VEPH1: variants seen among roughly 807,000 people sequenced by gnomAD.
VEPH1 encodes the protein ventricular zone-expressed PH domain-containing protein homolog 1.
Under a neutral mutation model 85.2 loss-of-function variants are expected in VEPH1, and 80 were observed. The ratio of observed to expected loss-of-function variants is 0.94; its 90% CI spans 0.78 to 1.13. The LOEUF (loss-of-function observed/expected upper bound fraction) is 1.13, where lower values mean the gene tolerates loss of function less well. VEPH1 is among the 50% of genes most tolerant of loss of function. The pLI is 0.00. For synonymous variants in VEPH1, 297 were observed against 348.0 expected (o/e 0.85, Z 1.63); for missense variants, 955 against 980.5 (o/e 0.97, Z 0.35).
At chr3:157,311,952 TA>T (rs1720157807) in intron 11 of VEPH1, among the ~76,000 whole-genome samples, 1 of 152,220 alleles carries the variant, frequency 6.6e-6, no homozygotes, top group South Asian at 2.1e-4. Flanking sequence ...AGCCAAAAAG[TA>T]GTGATGCAAT....
chr3:157,377,762 G>T (rs9812789), intron 7 of VEPH1, among the ~76,000 whole-genome samples: 1 of 152,082 alleles, frequency 6.6e-6, no homozygotes, highest in Admixed American at 6.6e-5. Flanking sequence ...CAGCCATGCC[G>T]AACTGTGAGT....
At chr3:157,372,812 G>A (rs1727664440) in intron 7 of VEPH1, among the ~76,000 whole-genome samples, 2 of 151,978 alleles carry the variant, frequency 1.3e-5, no homozygotes, top group African/African-American at 4.8e-5. Flanking sequence ...GACATACAAC[G>A]TCCACTGATC....
chr3:157,288,977 T>C (rs1029721402), intron 11 of VEPH1, among the ~76,000 whole-genome samples: 5 of 152,212 alleles, frequency 3.3e-5, no homozygotes, highest in African/African-American at 9.6e-5. Flanking sequence ...TGATTTTGAA[T>C]ATGTTCAATG....
At chr3:157,348,754 C>G (rs1388854112) in intron 9 of VEPH1, among the ~76,000 whole-genome samples, 5 of 152,310 alleles carry the variant, frequency 3.3e-5, no homozygotes, top group Non-Finnish European at 1.5e-5. Flanking sequence ...TGCTGCACTT[C>G]CGTGCTCTCC....
chr3:157,364,334 T>C lies in VEPH1; in HGVS notation c.1306A>G (p.Lys436Glu). ...AATCTAATGTTTTTTCTTTCTTCTT[T>C]AGAAACTTGGCCCAGACTATATCTT... ...IRRYSLGQVS[K>E]EERKNIRFNR... The change falls in exon 8 of 14, where the codon AAA becomes GAA. Residue 436 changes from lysine (K) to glutamate (E), a missense_variant. Lys to Glu is a moderately conservative substitution (Grantham distance 56). Transcript: ENST00000362010. 3.1e-6 allele frequency: 5 copies of C among 1,613,168 alleles called. No homozygotes were observed. Among genetic ancestry groups the C allele is most frequent in the Non-Finnish European group, 4.2e-6 (5 of 1,179,756 alleles).
At chr3:157,380,817 T>G (rs1172692886) in intron 7 of VEPH1, among the ~76,000 whole-genome samples, 2 of 152,240 alleles carry the variant, frequency 1.3e-5, no homozygotes, top group Non-Finnish European at 2.9e-5. Context: ...ATGTCTAGCT[T>G]CCTGATACAT....
chr3:157,478,671 C>A (rs1475117042), intron 2 of VEPH1, among the ~76,000 whole-genome samples: 1 of 142,950 alleles, frequency 7.0e-6, no homozygotes, highest in Non-Finnish European at 1.6e-5. Context: ...TGTACAGGAT[C>A]GTGTCAGTGA....
At chr3:157,394,448 C>T (rs1223680543) in intron 6 of VEPH1, among the ~76,000 whole-genome samples, 1 of 152,166 alleles carries the variant, frequency 6.6e-6, no homozygotes, top group Non-Finnish European at 1.5e-5. Flanking sequence ...AGGGGTTAAT[C>T]ACAGTATCTG....
chr3:157,501,728 A>G (rs1273091884), intron 1 of VEPH1, among the ~76,000 whole-genome samples: 2 of 152,228 alleles, frequency 1.3e-5, no homozygotes, highest in African/African-American at 4.8e-5. Flanking sequence ...CTTATTCTGA[A>G]GAATTCAGCC....
At chr3:157,438,065 A>ACC in intron 4 of VEPH1, 4 of 742,356 alleles carry the variant, frequency 5.4e-6, no homozygotes, top group East Asian at 3.3e-5. Flanking sequence ...ACACACACAC[A>ACC]CACACACCCC....
At chr3:157,488,415 A>G (rs1216355381) in intron 2 of VEPH1, among the ~76,000 whole-genome samples, 1 of 152,098 alleles carries the variant, frequency 6.6e-6, no homozygotes, top group Admixed American at 6.6e-5. Flanking sequence ...TCATTTGACC[A>G]ATCAGTGGCA....
At chr3:157,342,074 C>A (rs1401503657) in intron 9 of VEPH1, among the ~76,000 whole-genome samples, 2 of 152,152 alleles carry the variant, frequency 1.3e-5, no homozygotes, top group Non-Finnish European at 2.9e-5. Flanking sequence ...CAAAAACATG[C>A]CAAATTGTAA....
At chr3:157,459,280 A>G (rs1735628318) in intron 4 of VEPH1, among the ~76,000 whole-genome samples, 2 of 152,200 alleles carry the variant, frequency 1.3e-5, no homozygotes, top group Admixed American at 6.5e-5. Context: ...GCACCCCACC[A>G]TGCTATGCCA....
In VEPH1 at chr3:157,313,106, G is replaced by A. The variant is rs965593075; in HGVS notation, c.2010+515C>T. The stretch of plus-strand genomic sequence containing the variant: ...TTTTTAGTAGAGACGGGGTTTCACC[G>A]TGTTAGCCAGGATGCTCTCGATCTC... On this transcript the variant is annotated intron_variant, in intron 11 of 13. Coordinates refer to ENST00000362010, the MANE Select transcript of VEPH1 (RefSeq NM_001167912.2). 2.6e-5 allele frequency among the ~76,000 whole-genome samples: 4 copies of A among 151,454 alleles called. No homozygotes were observed. The East Asian group carries it at 5.8e-4, about 22-fold the overall frequency.
At chr3:157,339,985 G>C (rs549441126) in intron 9 of VEPH1, among the ~76,000 whole-genome samples, 10 of 152,318 alleles carry the variant, frequency 6.6e-5, no homozygotes, top group South Asian at 2.1e-4. Flanking sequence ...AAGGAAAGCA[G>C]TATGACTAAA....
chr3:157,263,525 G>C (rs900741898), intron 13 of VEPH1, among the ~76,000 whole-genome samples: 3 of 147,764 alleles, frequency 2.0e-5, no homozygotes, highest in African/African-American at 8.0e-5. Context: ...AGAAAATTCA[G>C]GTAGTCATTT....
intron 11 of VEPH1, among the ~76,000 whole-genome samples, chr3:157,288,227 C>A (rs1717030898): frequency 6.6e-6 from 1 of 152,196 alleles, no homozygotes; most frequent in Admixed American, 6.5e-5. Flanking sequence ...TGCATGTACC[C>A]AGCCAACTAA....
intron 4 of VEPH1, chr3:157,438,064 C>T: frequency 1.6e-5 from 12 of 751,424 alleles, no homozygotes; most frequent in Non-Finnish European, 2.5e-5. Flanking sequence ...CACACACACA[C>T]ACACACACCC....
chr3:157,380,657 A>G (rs572152509), intron 7 of VEPH1, among the ~76,000 whole-genome samples: 6 of 152,160 alleles, frequency 3.9e-5, no homozygotes, highest in Non-Finnish European at 7.4e-5. Flanking sequence ...TACATACTCT[A>G]TCTCTGTATT....
Sources: gnomAD v4.1 joint callset for allele counts (sites outside exome capture counted in the v4.1 genomes callset) on GRCh38, gnomAD v4.1.1 for gene constraint, MANE v1.5 for transcripts, NCBI Gene and HGNC (gene_info 2026-07-23, HGNC 2026-07-21) for gene names.